Variants in CPNE8 observed in about 807,000 individuals in gnomAD.
CPNE8 encodes the protein copine 8.
In CPNE8, 45 loss-of-function variants were observed where a neutral mutation model predicts 81.5. That is an observed-to-expected ratio of 0.55 (90% CI 0.44 to 0.71). CPNE8 has a LOEUF of 0.71. CPNE8 is among the 30% of genes least tolerant of loss of function. The pLI is 0.00. For synonymous variants in CPNE8, 252 were observed against 226.3 expected (o/e 1.11, Z -1.02); for missense variants, 594 against 672.1 (o/e 0.88, Z 1.28).
intron 10 of CPNE8, among the ~76,000 whole-genome samples, chr12:38,757,520 G>A (rs1187549908): frequency 6.6e-6 from 1 of 151,756 alleles, no homozygotes. Flanking sequence ...TTTTATTGGA[G>A]ACTAATGCGC....
chr12:38,883,974 C>T (rs145843071), intron 1 of CPNE8, among the ~76,000 whole-genome samples: 201 of 152,272 alleles, frequency 1.3e-3, no homozygotes, highest in Admixed American at 2.4e-3. Flanking sequence ...ATGTATCTCC[C>T]GTTCACTTGA....
chr12:38,877,541 G>A (rs377177345), intron 1 of CPNE8, among the ~76,000 whole-genome samples: 13 of 151,970 alleles, frequency 8.6e-5, no homozygotes, highest in African/African-American at 2.9e-4. Context: ...AAATCTAGAT[G>A]TAGCTAATAC....
At chr12:38,703,621 G>C (rs958046712) in intron 13 of CPNE8, among the ~76,000 whole-genome samples, 1 of 152,110 alleles carries the variant, frequency 6.6e-6, no homozygotes, top group Non-Finnish European at 1.5e-5. Context: ...GCAAGAGAAA[G>C]AAATAAAAGG....
intron 10 of CPNE8, among the ~76,000 whole-genome samples, chr12:38,733,279 A>T (rs539687010): frequency 6.6e-6 from 1 of 151,966 alleles, no homozygotes; most frequent in African/African-American, 2.4e-5. Flanking sequence ...TATACATTAA[A>T]TCACAGATAC....
intron 4 of CPNE8, among the ~76,000 whole-genome samples, chr12:38,848,194 G>C (rs1044999635): frequency 6.6e-6 from 1 of 152,184 alleles, no homozygotes; most frequent in Non-Finnish European, 1.5e-5. Context: ...CAGAGATCCA[G>C]GTGCTATGCT....
At chr12:38,795,854 T>C (rs7138835) in intron 6 of CPNE8, among the ~76,000 whole-genome samples, 12,143 of 136,822 alleles carry the variant, frequency 0.089, 626 homozygotes, top group East Asian at 0.3. Context: ...AATATGATGA[T>C]AGATGGATGG....
chr12:38,700,888 C>T (rs537863154), intron 14 of CPNE8, among the ~76,000 whole-genome samples: 1 of 152,230 alleles, frequency 6.6e-6, no homozygotes, highest in South Asian at 2.1e-4. Flanking sequence ...TAACTTTGCT[C>T]CTCATTCTCC....
At chr12:38,754,805 T>C (rs1173376133) in intron 10 of CPNE8, among the ~76,000 whole-genome samples, 7 of 152,050 alleles carry the variant, frequency 4.6e-5, no homozygotes, top group Non-Finnish European at 7.4e-5. Context: ...TTTATCAACA[T>C]TTTAAGTCTG....
intron 6 of CPNE8, among the ~76,000 whole-genome samples, chr12:38,810,250 C>T (rs375147458): frequency 6.6e-6 from 1 of 152,172 alleles, no homozygotes; most frequent in East Asian, 1.9e-4. Context: ...CAGGCAATGG[C>T]ATCCTCCACA....
rs79323172 is a variant in CPNE8, at chr12:38,744,661, T to C, written c.723-14303A>G. Among the ~76,000 whole-genome samples the C allele has an allele frequency of 7.2e-4, 110 of 152,258 alleles. No homozygotes were observed. The East Asian group carries it at 0.021, about 29-fold the overall frequency. On this transcript the variant is annotated intron_variant, in intron 10 of 19. Transcript: ENST00000331366. ...AAATGTGAAATCTGAAGGCTCCACA[T>C]TCTGAAGCTGTCATCTAGGCAAACT...
At chr12:38,834,020 G>C (rs1223667603) in intron 5 of CPNE8, among the ~76,000 whole-genome samples, 2 of 152,120 alleles carry the variant, frequency 1.3e-5, no homozygotes, top group Admixed American at 6.5e-5. Flanking sequence ...GGTGAGCAAT[G>C]ATGAGAATGG....
At chr12:38,718,912 C>T (rs757582695) in intron 13 of CPNE8, among the ~76,000 whole-genome samples, 10 of 151,956 alleles carry the variant, frequency 6.6e-5, no homozygotes, top group Non-Finnish European at 1.3e-4. Context: ...CATATACACA[C>T]AATACATTTA....
At chr12:38,844,415 T>C (rs1036827995) in intron 4 of CPNE8, among the ~76,000 whole-genome samples, 1 of 152,190 alleles carries the variant, frequency 6.6e-6, no homozygotes, top group Non-Finnish European at 1.5e-5. Flanking sequence ...TGTATTATCA[T>C]CAGTGTGATA....
intron 10 of CPNE8, among the ~76,000 whole-genome samples, chr12:38,742,819 TAAC>T (rs1251752014): frequency 6.6e-6 from 1 of 151,952 alleles, no homozygotes; most frequent in Non-Finnish European, 1.5e-5. Context: ...AATTATAGGT[TAAC>T]AAGTTTGTGT....
intron 6 of CPNE8, among the ~76,000 whole-genome samples, chr12:38,806,711 C>T (rs569653621): frequency 3.8e-4 from 54 of 141,452 alleles, no homozygotes; most frequent in African/African-American, 1.3e-3. Context: ...GATGCCCTCT[C>T]TCACCACTCC....
At chr12:38,688,879 G>A (rs2136664881) in intron 15 of CPNE8, among the ~76,000 whole-genome samples, 1 of 152,236 alleles carries the variant, frequency 6.6e-6, no homozygotes, top group East Asian at 1.9e-4. Flanking sequence ...GGTGATGGGT[G>A]CATCAGAATC....
At chr12:38,902,174 G>T (rs971962700) in intron 1 of CPNE8, among the ~76,000 whole-genome samples, 2 of 130,836 alleles carry the variant, frequency 1.5e-5, no homozygotes, top group Non-Finnish European at 3.3e-5. Context: ...AAAAGGAAAG[G>T]AAAGAGAAAA....
intron 10 of CPNE8, 97 bp downstream of exon 10, chr12:38,760,750 C>G: frequency 2.2e-6 from 2 of 922,572 alleles, no homozygotes; most frequent in South Asian, 1.4e-5. Flanking sequence ...AACAAATATG[C>G]CATCTAAAAA....
Position 38,734,109 on chromosome 12 carries a change from A to T in CPNE8, c.723-3751T>A, listed in dbSNP as rs1156340844. On this transcript the variant is annotated intron_variant, in intron 10 of 19. Transcript: ENST00000331366. ...TATATTATATTAAACCCATCAATTC[A>T]TGTATTTCCTCTCTTCACCTATGTT... is the stretch of plus-strand genomic sequence containing the variant. Among the ~76,000 whole-genome samples the T allele has an allele frequency of 3.3e-5, 5 of 151,942 alleles. No homozygotes were observed. In the East Asian group the frequency reaches 9.6e-4, roughly 29 times the overall value.
Sources: allele counts gnomAD v4.1 joint callset (sites outside exome capture counted in the v4.1 genomes callset), GRCh38; gene constraint gnomAD v4.1.1; transcripts MANE v1.5; gene names NCBI Gene and HGNC (gene_info 2026-07-23, HGNC 2026-07-21).